Variants in INPP4A observed in about 807,000 individuals in gnomAD.
INPP4A encodes inositol polyphosphate-4-phosphatase, type I, 107kD.
In INPP4A, 33 loss-of-function variants were observed where a neutral mutation model predicts 119.8. The observed-to-expected ratio is 0.28, with a 90% CI of 0.21 to 0.37. INPP4A has a LOEUF of 0.37. Among genes scored for constraint, INPP4A ranks in the 10% least tolerant of loss-of-function variants. The probability of loss-of-function intolerance (pLI) is 1.00; values close to 1 mark genes in which losing one functional copy is unlikely to be tolerated. For missense variants in INPP4A, 956 were observed against 1,289.9 expected, an observed-to-expected ratio of 0.74 and a Z score of 3.97; for synonymous variants, 496 against 500.7, an observed-to-expected ratio of 0.99 and a Z score of 0.12.
intron 23 of INPP4A, 21 bp downstream of exon 23, chr2:98,572,948 A>G (rs1697744099): frequency 6.5e-7 from 1 of 1,532,302 alleles, no homozygotes; most frequent in African/African-American, 1.4e-5. Flanking sequence ...CAGAGAGGAA[A>G]AGGAGGCTAT....
intron 1 of INPP4A, among the ~76,000 whole-genome samples, chr2:98,487,900 G>C (rs1267808847): frequency 6.6e-6 from 1 of 152,212 alleles, no homozygotes; most frequent in Non-Finnish European, 1.5e-5. Context: ...GGTCACAATA[G>C]GCAGTTTCAG....
intron 1 of INPP4A, among the ~76,000 whole-genome samples, chr2:98,475,197 G>T (rs1167149110): frequency 6.6e-6 from 1 of 152,118 alleles, no homozygotes; most frequent in Non-Finnish European, 1.5e-5. Flanking sequence ...GAGGGCACTT[G>T]TGAGATGCTG....
intron 1 of INPP4A, among the ~76,000 whole-genome samples, chr2:98,506,792 T>G (rs1003726559): frequency 6.6e-6 from 1 of 152,066 alleles, no homozygotes; most frequent in Non-Finnish European, 1.5e-5. Flanking sequence ...CCTGGGCACA[T>G]TTGGACTTTG....
At chr2:98,506,723 C>T (rs529124065) in intron 1 of INPP4A, among the ~76,000 whole-genome samples, 4 of 152,296 alleles carry the variant, frequency 2.6e-5, no homozygotes, top group South Asian at 4.1e-4. Context: ...TGGGAGAACA[C>T]GATGCTGTGA....
At chr2:98,499,244 A>C (rs994793270) in intron 1 of INPP4A, among the ~76,000 whole-genome samples, 1 of 152,228 alleles carries the variant, frequency 6.6e-6, no homozygotes, top group Non-Finnish European at 1.5e-5. Flanking sequence ...GCACGGTGAT[A>C]CAGGGGAACA....
Position 98,561,044 on chromosome 2 carries a change from C to T in INPP4A, c.1855+1549C>T, listed in dbSNP as rs1052164615. 2.6e-5 allele frequency among the ~76,000 whole-genome samples: 4 copies of T among 152,172 alleles called. No individual in the cohort carries two copies. The South Asian group carries it at 6.2e-4, about 24-fold the overall frequency. On this transcript the variant is annotated intron_variant, in intron 17 of 24. Coordinates refer to ENST00000409851, the MANE Select transcript of INPP4A (RefSeq NM_001134225.2). ...TCTTTTGGCTTTTCCTGGAGAACTGCATTTAATCTGGGCTAAAATATACAC... is the reference window on the plus strand; with the variant it reads ...TCTTTTGGCTTTTCCTGGAGAACTGTATTTAATCTGGGCTAAAATATACAC...
chr2:98,543,409 C>T (rs1691880254), intron 10 of INPP4A, among the ~76,000 whole-genome samples: 1 of 152,162 alleles, frequency 6.6e-6, no homozygotes, highest in Non-Finnish European at 1.5e-5. Context: ...CTGATAGCCT[C>T]CTAGGGGAGA....
chr2:98,586,904 C>G (rs554031078), intron 24 of INPP4A, among the ~76,000 whole-genome samples: 2 of 152,210 alleles, frequency 1.3e-5, no homozygotes, highest in South Asian at 4.1e-4. Context: ...GTGCATGAAC[C>G]CATTGGATTA....
rs139384995 is a variant in INPP4A at position 98,482,735 on chromosome 2, C to T, written c.-165-36229C>T. On this transcript the variant is annotated intron_variant, in intron 1 of 24. Coordinates refer to ENST00000409851, the MANE Select transcript of INPP4A (RefSeq NM_001134225.2). Reference sequence around the variant, plus strand: ...TGATGCAAAAAGATATATGTGTCCTCTTGCATTTAAGAGAAATGCAAAGCT... The same window carrying T: ...TGATGCAAAAAGATATATGTGTCCTTTTGCATTTAAGAGAAATGCAAAGCT... Among the ~76,000 whole-genome samples, 34 of 152,358 alleles carry T rather than the reference C, an allele frequency of 2.2e-4. No homozygotes were observed. In the East Asian group the frequency reaches 6.4e-3, roughly 28 times the overall value.
At chr2:98,513,676 T>C (rs1171681061) in intron 1 of INPP4A, among the ~76,000 whole-genome samples, 1 of 152,230 alleles carries the variant, frequency 6.6e-6, no homozygotes. Context: ...CAGTGCTGCC[T>C]TGTCTTTGGA....
At chr2:98,565,261 C>T (rs947730180) in intron 19 of INPP4A, among the ~76,000 whole-genome samples, 3 of 152,182 alleles carry the variant, frequency 2.0e-5, no homozygotes, top group African/African-American at 7.2e-5. Context: ...AGATATCAAG[C>T]CCTGTGTAAT....
At chr2:98,549,047 C>T in intron 13 of INPP4A, 1 of 1,361,202 alleles carries the variant, frequency 7.3e-7, no homozygotes, top group African/African-American at 1.5e-5. Flanking sequence ...ATCCCCACAC[C>T]TCCTCCTGTG....
In INPP4A at chr2:98,566,061, G is replaced by C; in HGVS notation, c.2312G>C (p.Gly771Ala). ...TTTAACGTGCGGGTCCCTCTGCCGG[G>C]CCCGCTGTTTGACGCCTTGCCCCGG... ...DGFNVRVPLP[G>A]PLFDALPREI... The change falls in exon 21 of 25, where the codon GGC becomes GCC. Residue 771 changes from glycine to alanine, a missense_variant. Physicochemically the swap from Gly to Ala is moderately conservative, Grantham distance 60. Around this residue, in one of 2 missense-constraint regions of INPP4A, gnomAD observed 304 missense variants for 492.1 expected, o/e 0.62. Transcript: ENST00000409851. The surrounding 1 kb of genome is among the most constrained non-coding windows in gnomAD (Gnocchi z 4.2). The C allele has an allele frequency of 6.2e-7, 1 of 1,604,864 alleles. No individual in the cohort carries two copies. The highest frequency in any genetic ancestry group is 8.5e-7 in the Non-Finnish European group (1 of 1,176,070).
rs79301445 is a variant in INPP4A at position 98,532,422 on chromosome 2, A to C, written c.152-955A>C. 1.3e-3 allele frequency among the ~76,000 whole-genome samples: 195 copies of C among 152,326 alleles called. 3 individuals are homozygous for C. In the East Asian group the frequency reaches 0.019, roughly 14 times the overall value. ...TTATTTTAAAATTGCGATAAAATGTACATAAAATTTATTATTTTAACCATT... is the reference window on the plus strand; with the variant it reads ...TTATTTTAAAATTGCGATAAAATGTCCATAAAATTTATTATTTTAACCATT... On this transcript the variant is annotated intron_variant, in intron 4 of 24. Coordinates refer to ENST00000409851, the MANE Select transcript of INPP4A (RefSeq NM_001134225.2).
chr2:98,538,825 C>T (rs1329531158), intron 8 of INPP4A, 66 bp from the exon 9 acceptor site: 2 of 897,340 alleles, frequency 2.2e-6, no homozygotes, highest in Non-Finnish European at 3.7e-6. Context: ...GCCACTGTTT[C>T]TGCTGAATGT....
At chr2:98,509,614 A>G (rs1684752518) in intron 1 of INPP4A, among the ~76,000 whole-genome samples, 1 of 152,158 alleles carries the variant, frequency 6.6e-6, no homozygotes, top group Non-Finnish European at 1.5e-5. Flanking sequence ...CTGAAGAAAG[A>G]GTGGCTGAAG....
intron 13 of INPP4A, among the ~76,000 whole-genome samples, chr2:98,547,554 A>C (rs1433311578): frequency 6.6e-6 from 1 of 152,190 alleles, no homozygotes; most frequent in African/African-American, 2.4e-5. Flanking sequence ...AGTGGGGGTG[A>C]TGAGTGTAGA....
intron 13 of INPP4A, among the ~76,000 whole-genome samples, chr2:98,547,792 G>T (rs115464927): frequency 0.012 from 1,829 of 152,130 alleles, 12 homozygotes; most frequent in Non-Finnish European, 0.018. Context: ...AGGTGGGGCT[G>T]CAGAGAGATG....
In INPP4A at chr2:98,587,928, G is replaced by T; in HGVS notation, c.*320G>T. ...GAATCAAGCTAGGTTTGTCTGAAAT[G>T]CTAGAAGACTTTTTCAAATGCCTGC... On this transcript the variant is annotated 3_prime_UTR_variant, in exon 25 of 25. Transcript: ENST00000409851. 4.0e-6 allele frequency: 1 copy of T among 249,994 alleles called. No homozygotes were observed. The highest frequency in any genetic ancestry group is 5.9e-5 in the East Asian group (1 of 16,850). 15.5% of individuals were successfully genotyped at this position (249,994 alleles called of 1,614,324 possible).
Sources: allele counts gnomAD v4.1 joint callset (sites outside exome capture counted in the v4.1 genomes callset), GRCh38; gene constraint gnomAD v4.1.1; regional missense constraint gnomAD v4.1.1; non-coding constraint Gnocchi (gnomAD v3.1); transcripts MANE v1.5; gene names NCBI Gene and HGNC (gene_info 2026-07-23, HGNC 2026-07-21).